Variants in SETD9 observed in about 807,000 individuals in gnomAD.
The protein encoded by SETD9 is SET domain-containing protein 9.
A neutral mutation model predicts 36.4 loss-of-function variants in SETD9; 37 were observed. The observed-to-expected ratio is 1.02, with a 90% CI of 0.78 to 1.34. The LOEUF (loss-of-function observed/expected upper bound fraction) is 1.34, where lower values mean the gene tolerates loss of function less well. SETD9 is among the 40% of genes most tolerant of loss of function. SETD9 has a pLI of 0.00. For synonymous variants in SETD9, 128 were observed against 132.9 expected (o/e 0.96, Z 0.26); for missense variants, 323 against 353.2 (o/e 0.91, Z 0.69).
intron 1 of SETD9, 108 bp downstream of exon 1, chr5:56,909,851 A>C (rs1200752926): frequency 5.3e-6 from 2 of 374,692 alleles, no homozygotes; most frequent in Non-Finnish European, 7.3e-6. Context: ...CCGGCCTGAG[A>C]TGGGCGGGCC....
downstream of SETD9, chr5:56,919,768 A>G (rs1252703322): frequency 6.6e-6 from 1 of 152,614 alleles, no homozygotes; most frequent in East Asian, 1.9e-4. Flanking sequence ...GATTGTCACT[A>G]ATTTATCTCA....
Position 56,909,723 on chromosome 5 carries a change from G to T in SETD9, c.78G>T (p.Leu26=), listed in dbSNP as rs138694484. 2 of 1,611,248 alleles carry T rather than the reference G, an allele frequency of 1.2e-6. No individual in the cohort carries two copies. Among genetic ancestry groups the T allele is most frequent in the Non-Finnish European group, 1.7e-6 (2 of 1,178,996 alleles). ...ACCGCTTCGTTCCCTGGATCGCACT[G>T]AACCTAAGCCACAACCCGAGGTGAG... ...YKYRFVPWIA[L]NLSHNPRTLR... The change falls in exon 1 of 6, where the codon CTG becomes CTT. Residue 26 remains leucine, a synonymous_variant. Coordinates refer to ENST00000285947, the MANE Select transcript of SETD9 (RefSeq NM_153706.4).
Position 56,911,485 on chromosome 5 carries a change from T to G in SETD9, c.415T>G (p.Phe139Val). The change falls in exon 2 of 6, where the codon TTC becomes GTC. Residue 139 changes from phenylalanine (F) to valine (V), a missense_variant. Physicochemically the swap from Phe to Val is conservative, Grantham distance 50. Transcript: ENST00000285947. Reference protein sequence around the residue: ...SSLISAGKGVFVTKGLVPKGA... With the variant: ...SSLISAGKGVVVTKGLVPKGA... Reference sequence around the variant, plus strand: ...ATTGATTTCTGCTGGAAAAGGTGTCTTCGTTACTAAAGGATTGGTACCAAA... The same window carrying G: ...ATTGATTTCTGCTGGAAAAGGTGTCGTCGTTACTAAAGGATTGGTACCAAA... 1.9e-6 allele frequency: 3 copies of G among 1,603,174 alleles called. No individual in the cohort carries two copies. Among genetic ancestry groups the G allele is most frequent in the Non-Finnish European group, 8.5e-7 (1 of 1,176,190 alleles).
At chr5:56,919,969 GTGCTTT>G (rs1340880818), downstream of SETD9, 1 of 152,542 alleles carries the variant, frequency 6.6e-6, no homozygotes. Flanking sequence ...TGTAGACAAT[GTGCTTT>G]GAAACTCTGG....
chr5:56,914,953 T>C lies in SETD9; in HGVS notation c.799T>C (p.Tyr267His). 1 of 1,587,270 alleles carries C rather than the reference T, an allele frequency of 6.3e-7. No individual in the cohort carries two copies. Among genetic ancestry groups the C allele is most frequent in the Non-Finnish European group, 8.6e-7 (1 of 1,162,032 alleles). The change falls in exon 5 of 6, where the codon TAT (tyrosine) becomes CAT (histidine). Residue 267 changes from tyrosine to histidine, a missense_variant. By Grantham distance (83) the Tyr-to-His change is moderately conservative. Coordinates refer to ENST00000285947, the MANE Select transcript of SETD9 (RefSeq NM_153706.4). ...KQYLPNIAYS[Y>H]DKQSPLRCVV... Reference sequence around the variant, plus strand: ...GTATCTTCCAAACATTGCCTACAGCTATGACAAACAAAGGTTCGTTTGCTA... The same window carrying C: ...GTATCTTCCAAACATTGCCTACAGCCATGACAAACAAAGGTTCGTTTGCTA...
intron 5 of SETD9, chr5:56,924,078 ACT>A: frequency 1.3e-6 from 2 of 1,587,506 alleles, no homozygotes; most frequent in South Asian, 1.2e-5. Context: ...AAACCAACAA[ACT>A]CAACCATTTT....
At chr5:56,919,492 G>A (rs558953741), downstream of SETD9, 1 of 152,098 alleles carries the variant, frequency 6.6e-6, no homozygotes, top group East Asian at 1.9e-4. Context: ...CTTATTTACT[G>A]CATCTAAAAC....
intron 1 of SETD9, 178 bp downstream of exon 1, chr5:56,909,921 G>GT: frequency 1.9e-6 from 2 of 1,040,336 alleles, no homozygotes; most frequent in Non-Finnish European, 2.7e-6. Context: ...CCTCGGAGGG[G>GT]TTTAAGGAAC....
At chr5:56,928,474 G>A (rs1579840365), downstream of SETD9, 1 of 206,806 alleles carries the variant, frequency 4.8e-6, no homozygotes, top group East Asian at 1.1e-4. Flanking sequence ...ACCTCTGAAT[G>A]GCTTGATAAG....
At chr5:56,910,046 G>A (rs967235124) in intron 1 of SETD9, 2 of 1,312,908 alleles carry the variant, frequency 1.5e-6, no homozygotes, top group South Asian at 1.6e-5. Context: ...AGTGTCCGCT[G>A]CGCTGCCGGG....
At chr5:56,928,736 T>C, downstream of SETD9, 1 of 1,477,420 alleles carries the variant, frequency 6.8e-7, no homozygotes, top group Non-Finnish European at 9.3e-7. Flanking sequence ...CTGTAACTAG[T>C]AATTTATCTG....
rs1561222781 is a variant in SETD9 at position 56,916,870 on chromosome 5, C to G, written c.868C>G (p.Leu290Val). Residue 290 changes from leucine to valine, a missense_variant, in exon 6 of 6, where the codon CTT becomes GTT. Transcript: ENST00000285947. ...ALRDINQGEE[L>V]FSNYYTIVS ...TAGGGACATCAATCAAGGAGAAGAG[C>G]TTTTTTCAAACTACTACACAATTGT... The G allele has an allele frequency of 6.2e-7, 1 of 1,607,440 alleles. No individual in the cohort carries two copies. The highest frequency in any genetic ancestry group is 1.1e-5 in the South Asian group (1 of 88,808).
chr5:56,912,287 T>A, intron 2 of SETD9: 1 of 920,452 alleles, frequency 1.1e-6, no homozygotes, highest in Non-Finnish European at 1.3e-6. Flanking sequence ...ACAAGATCAT[T>A]AACTAGAATG....
chr5:56,924,643 T>G (rs1322068682), intron 5 of SETD9, among the ~76,000 whole-genome samples: 1 of 152,128 alleles, frequency 6.6e-6, no homozygotes, highest in African/African-American at 2.4e-5. Context: ...GTATGTTTGG[T>G]TTTTAGATCC....
In SETD9 at chr5:56,912,163, GAA is replaced by G. The variant is rs796567347; in HGVS notation, c.466+637_466+638del. On this transcript the variant is annotated intron_variant, in intron 2 of 5. Transcript: ENST00000285947. Reference sequence around the variant, plus strand: ...GTGCTAGGCTCCATCTCAAAAAAAAGAAAAAAAAAAAGCGTACGGATCAAAAC... The same window carrying G: ...GTGCTAGGCTCCATCTCAAAAAAAAGAAAAAAAAAGCGTACGGATCAAAAC... 12 of 750,728 alleles carry G rather than the reference GAA, an allele frequency of 1.6e-5. No homozygotes were observed. The African/African-American group carries it at 1.8e-4, about 11-fold the overall frequency. The allele number at this position is 750,728 out of a possible 1,614,324, so 46.5% of individuals were successfully genotyped here.
chr5:56,911,379 A>G lies in SETD9; in HGVS notation c.309A>G (p.Arg103=). 6.2e-7 allele frequency: 1 copy of G among 1,613,546 alleles called. No homozygotes were observed. The highest frequency in any genetic ancestry group is 8.5e-7 in the Non-Finnish European group (1 of 1,179,812). Residue 103 remains arginine (R), a synonymous_variant, in exon 2 of 6, where the codon AGA becomes AGG. Transcript: ENST00000285947. ...EHQGVKLLEN[R]HQQQSTFKPE... ...AAGGGGTGAAACTGCTTGAAAACAG[A>G]CATCAACAGCAAAGTACCTTTAAAC...
intron 3 of SETD9, 122 bp from the exon 4 acceptor site, chr5:56,913,747 CTGATT>C: frequency 1.6e-6 from 1 of 608,956 alleles, no homozygotes; most frequent in South Asian, 2.2e-5. Flanking sequence ...AGTTGCCCTA[CTGATT>C]ATACTAAAGT....
At position 56,910,319 on chromosome 5, in the gene SETD9, C is replaced by G. The variant is rs561449108; in HGVS notation, c.98+576C>G. 7 of 1,304,072 alleles carry G rather than the reference C, an allele frequency of 5.4e-6. No individual in the cohort carries two copies. The South Asian group carries it at 8.6e-5, about 16-fold the overall frequency. 80.8% of individuals were successfully genotyped at this position (1,304,072 alleles called of 1,614,324 possible). A position where few individuals can be genotyped will look rare whatever the true frequency, so the allele number is the denominator to read the frequency against. On this transcript the variant is annotated intron_variant, in intron 1 of 5. Transcript: ENST00000285947. ...AAGCCCATCCCGGCTGTGAGAATAG[C>G]GTGCAGTAGCTCGCGCGTTAAGAAC...
In SETD9 at chr5:56,913,896, C is replaced by G; in HGVS notation, c.613C>G (p.Leu205Val). 1 of 1,612,970 alleles carries G rather than the reference C, an allele frequency of 6.2e-7. No homozygotes were observed. Among genetic ancestry groups the G allele is most frequent in the Non-Finnish European group, 8.5e-7 (1 of 1,179,204 alleles). ...VYRSCNGRDR[L>V]GPLKMSDSTW... ...CAGATCTTGCAATGGGAGGGATCGA[C>G]TCGGCCCTTTAAAAATGAGTGATAG... Residue 205 changes from leucine (L) to valine (V), a missense_variant, in exon 4 of 6, where the codon CTC becomes GTC. Transcript: ENST00000285947.
Sources: allele counts gnomAD v4.1 joint callset (sites outside exome capture counted in the v4.1 genomes callset), GRCh38; gene constraint gnomAD v4.1.1; transcripts MANE v1.5; gene names NCBI Gene and HGNC (gene_info 2026-07-23, HGNC 2026-07-21).